The following LARGE1 variants were observed in gnomAD, a reference collection of about 807,000 sequenced individuals.
The protein encoded by LARGE1 is xylosyl- and glucuronyltransferase LARGE1.
In LARGE1, 43 loss-of-function variants were observed where a neutral mutation model predicts 87.6. That is an observed-to-expected ratio of 0.49 (90% CI 0.38 to 0.63). The LOEUF is 0.63. LARGE1 is among the 30% of genes least tolerant of loss of function. The probability of loss-of-function intolerance (pLI) is 0.00; values close to 1 mark genes in which losing one functional copy is unlikely to be tolerated. For missense variants in LARGE1, 802 were observed against 1,000.2 expected (o/e 0.80, Z 2.67); for synonymous variants, 434 against 394.6 (o/e 1.10, Z -1.18).
intron 1 of LARGE1, among the ~76,000 whole-genome samples, chr22:33,900,829 C>G (rs925991569): frequency 2.0e-5 from 3 of 152,110 alleles, no homozygotes; most frequent in African/African-American, 7.2e-5. Context: ...GGCAGATCAC[C>G]TGAGGTGAGG....
In LARGE1 at chr22:33,257,448, AAAACAAAAAC is replaced by A. The variant is rs1364819722; in HGVS notation, c.1730+46771_1730+46780del. ...TAAAACAAAAACAAAAACAAAAACA[AAAACAAAAAC>A]AAAAAAACAAAAAAAAGGCAGGGGG... On this transcript the variant is annotated intron_variant, in intron 11 of 11. Coordinates refer to the LARGE1 transcript ENST00000608642. Among the ~76,000 whole-genome samples the A allele has an allele frequency of 6.3e-4, 95 of 149,888 alleles. No individual in the cohort carries two copies. In the Middle Eastern group the frequency reaches 0.01, roughly 16 times the overall value.
rs376073800 is a variant in LARGE1 at position 33,841,211 on chromosome 22, C to T, written c.-83+78784G>A. Among the ~76,000 whole-genome samples the T allele has an allele frequency of 8.5e-5, 13 of 152,096 alleles. 1 individual carries two copies. The highest frequency in any genetic ancestry group is 2.7e-4 in the African/African-American group (11 of 41,490). The stretch of plus-strand genomic sequence containing the variant: ...ATGCAATCTATGCTAAGCCAAGGTG[C>T]GTCTGTTCTGTTACTCTCATTTTTT... On this transcript the variant is annotated intron_variant, in intron 1 of 14. Transcript: ENST00000397394.
intron 2 of LARGE1, among the ~76,000 whole-genome samples, chr22:33,731,039 G>T (rs546095371): frequency 7.7e-6 from 1 of 129,424 alleles, no homozygotes; most frequent in Non-Finnish European, 1.6e-5. Flanking sequence ...GTCTTGTTCT[G>T]TTGCCCAGGC....
chr22:33,340,121 G>T (rs8139984), intron 9 of LARGE1, among the ~76,000 whole-genome samples: 20,028 of 150,254 alleles, frequency 0.13, 3,086 homozygotes, highest in African/African-American at 0.37. Flanking sequence ...TATTTAATAC[G>T]CACAACAGGC....
chr22:33,622,391 TAA>T (rs568078385), intron 4 of LARGE1, among the ~76,000 whole-genome samples: 266 of 152,308 alleles, frequency 1.7e-3, no homozygotes, highest in African/African-American at 5.7e-3. Flanking sequence ...GCCATGATTA[TAA>T]GTTTCCTGAG....
chr22:33,335,167 T>C (rs5998884), intron 10 of LARGE1, among the ~76,000 whole-genome samples: 24,503 of 152,256 alleles, frequency 0.16, 4,512 homozygotes, highest in African/African-American at 0.45. Flanking sequence ...TGCAAAAATG[T>C]GCCGAATGGG....
At chr22:33,515,919 C>CCA (rs2071281858) in intron 6 of LARGE1, among the ~76,000 whole-genome samples, 1 of 152,172 alleles carries the variant, frequency 6.6e-6, no homozygotes, top group African/African-American at 2.4e-5. Flanking sequence ...CCTGTGTATT[C>CCA]CACACACACA....
the LARGE1 span, among the ~76,000 whole-genome samples, chr22:33,139,673 T>G: frequency 6.6e-6 from 1 of 152,248 alleles, no homozygotes; most frequent in South Asian, 2.1e-4. Context: ...TGTGCTATTC[T>G]CTATCTGGTA....
At chr22:33,341,779 T>C (rs934786915) in intron 9 of LARGE1, among the ~76,000 whole-genome samples, 1 of 152,172 alleles carries the variant, frequency 6.6e-6, no homozygotes. Flanking sequence ...TTGGAACCTG[T>C]TTCCTCAAGT....
At chr22:33,349,701 T>A (rs1940173664) in intron 9 of LARGE1, among the ~76,000 whole-genome samples, 2 of 152,164 alleles carry the variant, frequency 1.3e-5, no homozygotes, top group Admixed American at 1.3e-4. Flanking sequence ...TAAATAAAAA[T>A]TAAATAAAAA....
At chr22:33,656,367 C>G (rs146656890) in intron 2 of LARGE1, among the ~76,000 whole-genome samples, 3,808 of 152,234 alleles carry the variant, frequency 0.025, 74 homozygotes, top group Middle Eastern at 0.041. Context: ...GACTTATTCA[C>G]TACCATGAGA....
At chr22:33,654,163 A>T (rs561794342) in intron 2 of LARGE1, among the ~76,000 whole-genome samples, 66 of 152,316 alleles carry the variant, frequency 4.3e-4, no homozygotes, top group Non-Finnish European at 7.9e-4. Context: ...ATTTGTCACC[A>T]ATGAAGCCAC....
intron 6 of LARGE1, among the ~76,000 whole-genome samples, chr22:33,444,898 CG>C (rs950506005): frequency 2.0e-5 from 3 of 152,106 alleles, no homozygotes; most frequent in Admixed American, 6.6e-5. Context: ...GGCGCGATCT[CG>C]ACTCACTGCA....
At chr22:33,237,605 G>T (rs914526945) in intron 11 of LARGE1, among the ~76,000 whole-genome samples, 16 of 152,222 alleles carry the variant, frequency 1.1e-4, no homozygotes, top group African/African-American at 2.9e-4. Flanking sequence ...ACTGGCAAAA[G>T]GGTCTGGCTG....
chr22:33,781,500 TA>T (rs997836309), intron 1 of LARGE1, among the ~76,000 whole-genome samples: 15 of 151,218 alleles, frequency 9.9e-5, no homozygotes, highest in East Asian at 1.9e-4. Context: ...GACTCTGCCT[TA>T]AAAAAAAATT....
At chr22:33,376,948 A>C (rs1385398340) in intron 9 of LARGE1, among the ~76,000 whole-genome samples, 2 of 152,198 alleles carry the variant, frequency 1.3e-5, no homozygotes, top group Non-Finnish European at 2.9e-5. Context: ...AGGTTTTGAC[A>C]CTGACTCCTA....
At chr22:33,701,542 T>TAC (rs2082403837) in intron 2 of LARGE1, among the ~76,000 whole-genome samples, 1 of 152,226 alleles carries the variant, frequency 6.6e-6, no homozygotes, top group South Asian at 2.1e-4. Flanking sequence ...CATTCTGCTT[T>TAC]ACCATCCTCA....
the LARGE1 span, among the ~76,000 whole-genome samples, chr22:33,082,949 C>T: frequency 2.0e-5 from 3 of 152,038 alleles, no homozygotes; most frequent in African/African-American, 4.8e-5. Context: ...GGTGTGAACC[C>T]GGGAGGCGGA....
intron 1 of LARGE1, among the ~76,000 whole-genome samples, chr22:33,845,932 C>T (rs2063417604): frequency 6.6e-6 from 1 of 152,190 alleles, no homozygotes; most frequent in Non-Finnish European, 1.5e-5. Context: ...AAGAAAAGAA[C>T]ATTAATTCCT....
Sources: gnomAD v4.1 joint callset for allele counts (sites outside exome capture counted in the v4.1 genomes callset) on GRCh38, gnomAD v4.1.1 for gene constraint, MANE v1.5 for transcripts, NCBI Gene and HGNC (gene_info 2026-07-23, HGNC 2026-07-21) for gene names.